Variants in KIF26B observed in about 807,000 individuals in gnomAD.
KIF26B encodes kinesin-like protein KIF26B.
In KIF26B, 63 loss-of-function variants were observed where a neutral mutation model predicts 151.2. The observed-to-expected ratio is 0.42, with a 90% confidence interval of 0.34 to 0.51. The LOEUF (loss-of-function observed/expected upper bound fraction) is 0.51. Among genes scored for constraint, KIF26B ranks in the 20% least tolerant of loss-of-function variants. KIF26B has a pLI of 0.07. For missense variants in KIF26B, 2,813 were observed against 2,913.6 expected, an observed-to-expected ratio of 0.97 and a Z score of 0.79; for synonymous variants, 1,357 against 1,262.1, an observed-to-expected ratio of 1.08 and a Z score of -1.59.
At chr1:245,438,436 G>A (rs1003233548) in intron 4 of KIF26B, among the ~76,000 whole-genome samples, 2 of 152,182 alleles carry the variant, frequency 1.3e-5, no homozygotes, top group Non-Finnish European at 2.9e-5. Flanking sequence ...GAGAAAGAGA[G>A]GATATACTTT....
intron 4 of KIF26B, among the ~76,000 whole-genome samples, chr1:245,526,648 C>T (rs963948405): frequency 3.9e-5 from 6 of 152,160 alleles, no homozygotes; most frequent in African/African-American, 1.2e-4. Flanking sequence ...TGTCACCCAG[C>T]GTTGACAATT....
chr1:245,452,866 CTTCCATTCTATAGTT>C (rs1659430137), intron 4 of KIF26B, among the ~76,000 whole-genome samples: 1 of 151,994 alleles, frequency 6.6e-6, no homozygotes, highest in Non-Finnish European at 1.5e-5. Context: ...TAAATATTTT[CTTCCATTCTATAGTT>C]TGTCTTTACA....
chr1:245,434,822 T>C (rs534015657), intron 4 of KIF26B, among the ~76,000 whole-genome samples: 53 of 152,306 alleles, frequency 3.5e-4, no homozygotes, highest in African/African-American at 1.2e-3. Context: ...ACACAGACTC[T>C]GGTATCTTCC....
In KIF26B at chr1:245,358,455, G is replaced by A. The variant is rs1226995651; in HGVS notation, c.466-8379G>A. On this transcript the variant is annotated intron_variant, in intron 2 of 14. Coordinates refer to ENST00000407071, the MANE Select transcript of KIF26B (RefSeq NM_018012.4). This position sits in a 1 kb window ranked among gnomAD's most constrained non-coding sequence, Gnocchi z 4.1. ...GAATGGTGTGAACCTGGGAGGCCGA[G>A]CTTGCAGTGAGCCGAGATCGCGCCA... 6.6e-6 allele frequency among the ~76,000 whole-genome samples: 1 copy of A among 152,194 alleles called. No individual in the cohort carries two copies. The highest frequency in any genetic ancestry group is 1.5e-5 in the Non-Finnish European group (1 of 68,038).
chr1:245,550,449 C>G (rs1479277967), intron 5 of KIF26B, among the ~76,000 whole-genome samples: 3 of 152,256 alleles, frequency 2.0e-5, no homozygotes, highest in Admixed American at 1.3e-4. Flanking sequence ...CAGGCCGACC[C>G]TGGCTCCTCA....
At chr1:245,325,572 G>A (rs745936777) in intron 2 of KIF26B, among the ~76,000 whole-genome samples, 6 of 152,200 alleles carry the variant, frequency 3.9e-5, no homozygotes, top group South Asian at 4.2e-4. Flanking sequence ...ATTAGCGGGC[G>A]TGGTGGTGCA....
intron 2 of KIF26B, among the ~76,000 whole-genome samples, chr1:245,176,931 G>C (rs955303539): frequency 5.3e-5 from 8 of 152,182 alleles, no homozygotes; most frequent in African/African-American, 1.7e-4. Context: ...ACACACAGGG[G>C]TATGGCCATT....
At chr1:245,156,138 A>G (rs1668426921) in intron 1 of KIF26B, 144 bp from the exon 2 acceptor site, 3 of 1,245,342 alleles carry the variant, frequency 2.4e-6, no homozygotes, top group African/African-American at 3.2e-5. Flanking sequence ...ACGGAGGGCA[A>G]TTTGGCCGCA....
chr1:245,689,017 C>G lies in KIF26B; in HGVS notation c.5824+210C>G, dbSNP rs541871023. On this transcript the variant is annotated intron_variant, in intron 12 of 14. Transcript: ENST00000407071. ...GGCCTGGCCTCTCCTTTCCCACGGC[C>G]CGGCACCCCGCGGGGCTCCGCCGGG... Among the ~76,000 whole-genome samples the G allele has an allele frequency of 1.1e-4, 17 of 152,234 alleles. No individual in the cohort carries two copies. In the East Asian group the frequency reaches 3.3e-3, roughly 30 times the overall value.
intron 2 of KIF26B, among the ~76,000 whole-genome samples, chr1:245,238,631 C>T (rs1573726686): frequency 2.6e-5 from 4 of 152,062 alleles, no homozygotes; most frequent in Admixed American, 2.0e-4. Flanking sequence ...GAGGCAGAGA[C>T]GGGTGGATCA....
intron 2 of KIF26B, among the ~76,000 whole-genome samples, chr1:245,346,564 G>A (rs1446999069): frequency 6.6e-6 from 1 of 152,168 alleles, no homozygotes; most frequent in South Asian, 2.1e-4. Context: ...AGTAACACCT[G>A]TGATTTCAGT....
Position 245,259,384 on chromosome 1 carries a change from C to T in KIF26B, c.465+102701C>T, listed in dbSNP as rs150474389. 1.8e-3 allele frequency among the ~76,000 whole-genome samples: 277 copies of T among 152,220 alleles called. 2 individuals carry two copies. Among genetic ancestry groups the T allele is most frequent in the African/African-American group, 6.3e-3 (263 of 41,540 alleles). On this transcript the variant is annotated intron_variant, in intron 2 of 14. Coordinates refer to ENST00000407071, the MANE Select transcript of KIF26B (RefSeq NM_018012.4). Reference sequence around the variant, plus strand: ...TGGACGGTGAGGACTGAGGCTCCATCGCTGAAATGCACACGTGTTACCAGG... The same window carrying T: ...TGGACGGTGAGGACTGAGGCTCCATTGCTGAAATGCACACGTGTTACCAGG...
intron 10 of KIF26B, among the ~76,000 whole-genome samples, chr1:245,675,045 C>G (rs58018775): frequency 0.02 from 2,991 of 152,290 alleles, 101 homozygotes; most frequent in African/African-American, 0.067. Context: ...GGAAAATACT[C>G]ATGGCTACAA....
At chr1:245,528,225 T>A (rs556203492) in intron 4 of KIF26B, among the ~76,000 whole-genome samples, 1 of 152,076 alleles carries the variant, frequency 6.6e-6, no homozygotes, top group Non-Finnish European at 1.5e-5. Context: ...CTGGGGCATC[T>A]GGGAAGACCG....
chr1:245,256,705 C>T (rs1242628983), intron 2 of KIF26B, among the ~76,000 whole-genome samples: 1 of 152,146 alleles, frequency 6.6e-6, no homozygotes, highest in Admixed American at 6.5e-5. Flanking sequence ...TCCATTACAG[C>T]CTCCTCCCCT....
intron 10 of KIF26B, among the ~76,000 whole-genome samples, chr1:245,671,675 T>C (rs1029990077): frequency 6.6e-6 from 1 of 152,272 alleles, no homozygotes. Flanking sequence ...AGGTGATTTC[T>C]AAGGACACAA....
At chr1:245,329,864 G>A (rs1050261081) in intron 2 of KIF26B, among the ~76,000 whole-genome samples, 2 of 152,206 alleles carry the variant, frequency 1.3e-5, no homozygotes, top group Non-Finnish European at 2.9e-5. Flanking sequence ...ACAGGCTGGA[G>A]TGCAGTGGCA....
chr1:245,468,734 A>G (rs984277280), intron 4 of KIF26B, among the ~76,000 whole-genome samples: 1 of 152,090 alleles, frequency 6.6e-6, no homozygotes, highest in African/African-American at 2.4e-5. Flanking sequence ...ATTGAGTGAC[A>G]TTTCTCTTTA....
At chr1:245,543,855 G>A (rs1022661488) in intron 5 of KIF26B, among the ~76,000 whole-genome samples, 2 of 152,186 alleles carry the variant, frequency 1.3e-5, no homozygotes, top group African/African-American at 4.8e-5. Flanking sequence ...GGCTGAGGCA[G>A]GAGAATCGCT....
Sources: gnomAD v4.1 joint callset for allele counts (sites outside exome capture counted in the v4.1 genomes callset) on GRCh38, gnomAD v4.1.1 for gene constraint, Gnocchi (gnomAD v3.1) non-coding constraint, MANE v1.5 for transcripts, NCBI Gene and HGNC (gene_info 2026-07-23, HGNC 2026-07-21) for gene names.